The following PGBD2 variants were observed in gnomAD, a reference collection of about 807,000 sequenced individuals.
PGBD2 encodes piggyBac transposable element-derived protein 2.
PGBD2 carries 6 observed loss-of-function variants against 8.1 expected under a neutral mutation model. The ratio of observed to expected loss-of-function variants is 0.74; its 90% CI spans 0.40 to 1.46. PGBD2 has a LOEUF of 1.46. PGBD2 is among the 40% of genes most tolerant of loss of function. The pLI, the probability that PGBD2 is intolerant of heterozygous loss-of-function variation, is 0.02. For synonymous variants in PGBD2, 318 were observed against 272.2 expected (o/e 1.17, Z -1.66); for missense variants, 802 against 739.0 (o/e 1.09, Z -0.99).
the PGBD2 span, among the ~76,000 whole-genome samples, chr1:248,927,941 G>T: frequency 6.6e-6 from 1 of 152,152 alleles, no homozygotes; most frequent in African/African-American, 2.4e-5. Context: ...TGTAAAAAGG[G>T]AGCAGGCTGG....
At chr1:248,906,558 G>A (rs982463766) in intron 1 of PGBD2, 1 of 149,708 alleles carries the variant, frequency 6.7e-6, no homozygotes, top group Admixed American at 6.7e-5. Context: ...GCCGGAGGCC[G>A]GGCCGGCTGA....
the PGBD2 span, among the ~76,000 whole-genome samples, chr1:248,874,927 T>TAGATAGATAGATAGATAGATAGAC: frequency 6.7e-6 from 1 of 149,290 alleles, no homozygotes; most frequent in African/African-American, 2.6e-5. Flanking sequence ...GATAGATAGA[T>TAGATAGATAGATAGATAGATAGAC]AGATAGATAG....
the PGBD2 span, among the ~76,000 whole-genome samples, chr1:248,883,951 A>C: frequency 6.6e-6 from 1 of 151,820 alleles, no homozygotes; most frequent in African/African-American, 2.4e-5. Flanking sequence ...CCACCTGCCA[A>C]TTTTTCTTTT....
the PGBD2 span, among the ~76,000 whole-genome samples, chr1:248,886,126 C>CT: frequency 6.6e-6 from 1 of 152,158 alleles, no homozygotes; most frequent in African/African-American, 2.4e-5. Context: ...TTTGCACCAA[C>CT]TTGCCCCATG....
chr1:248,908,704 T>C (rs1661753622), intron 1 of PGBD2, among the ~76,000 whole-genome samples: 1 of 151,632 alleles, frequency 6.6e-6, no homozygotes, highest in Non-Finnish European at 1.5e-5. Context: ...TTTTTAAACT[T>C]CCCATAGCTC....
Position 248,914,155 on chromosome 1 carries a change from A to G in PGBD2, c.17+276A>G, listed in dbSNP as rs112029605. ...TCATCTTTCAAGATAAAGACACCAG[A>G]TGGTTACTCCTGGGGCCACCTCAGT... On this transcript the variant is annotated intron_variant, in intron 2 of 2. Coordinates refer to ENST00000329291, the MANE Select transcript of PGBD2 (RefSeq NM_170725.3). Among the ~76,000 whole-genome samples, 3,404 of 152,270 alleles carry G rather than the reference A, an allele frequency of 0.022. 139 individuals carry two copies. Among genetic ancestry groups the G allele is most frequent in the African/African-American group, 0.078 (3,259 of 41,534 alleles).
the PGBD2 span, among the ~76,000 whole-genome samples, chr1:248,925,021 T>TC: frequency 1.3e-5 from 2 of 152,174 alleles, no homozygotes; most frequent in South Asian, 4.1e-4. Flanking sequence ...CTTTTTTTTT[T>TC]CTTTTTCAAA....
At chr1:248,891,726 A>C in the PGBD2 span, among the ~76,000 whole-genome samples, 144 of 152,328 alleles carry the variant, frequency 9.5e-4, 1 homozygote, top group African/African-American at 2.7e-3. Context: ...AGGGAAGCTG[A>C]AGCGGGAAGA....
rs1034069921 is a variant in PGBD2, at chr1:248,919,093, C to A, written c.*730C>A. 9.0e-5 allele frequency: 15 copies of A among 166,978 alleles called. No individual in the cohort carries two copies. Among genetic ancestry groups the A allele is most frequent in the African/African-American group, 3.1e-4 (13 of 41,416 alleles). 10.3% of individuals were successfully genotyped at this position (166,978 alleles called of 1,614,324 possible). On this transcript the variant is annotated 3_prime_UTR_variant, in exon 3 of 3. Coordinates refer to ENST00000329291, the MANE Select transcript of PGBD2 (RefSeq NM_170725.3). ...ACTTGTCCTTTGTGTTTCAAACAAT[C>A]CAATTATACTGTTAGTTATTTTAAA...
At chr1:248,873,306 C>G in the PGBD2 span, among the ~76,000 whole-genome samples, 1 of 152,230 alleles carries the variant, frequency 6.6e-6, no homozygotes, top group African/African-American at 2.4e-5. Context: ...CCGCATCAGG[C>G]CCCTCTGACC....
the PGBD2 span, among the ~76,000 whole-genome samples, chr1:248,897,716 G>C: frequency 6.6e-6 from 1 of 152,176 alleles, no homozygotes; most frequent in Non-Finnish European, 1.5e-5. Flanking sequence ...CTGAAGCCAG[G>C]AACCCAAGGG....
chr1:248,906,250 G>GCGACGCC lies in PGBD2; in HGVS notation c.-132_-126dup, dbSNP rs1370327804. On this transcript the variant is annotated 5_prime_UTR_variant, in exon 1 of 3. Coordinates refer to ENST00000329291, the MANE Select transcript of PGBD2 (RefSeq NM_170725.3). Reference sequence around the variant, plus strand: ...CTCTGGTGCCGGACGTTGCGCGGCCGCGACGCCCGACGCCAACGCAGGCGC... The same window carrying GCGACGCC: ...CTCTGGTGCCGGACGTTGCGCGGCCGCGACGCCCGACGCCCGACGCCAACGCAGGCGC... The GCGACGCC allele has an allele frequency of 6.6e-6, 1 of 151,964 alleles. No individual in the cohort carries two copies. The highest frequency in any genetic ancestry group is 2.0e-4 in the East Asian group (1 of 5,092). The allele number at this position is 151,964 out of a possible 1,614,324, so 9.4% of individuals were successfully genotyped here.
At position 248,918,327 on chromosome 1, in the gene PGBD2, C is replaced by T; in HGVS notation, c.1743C>T (p.Val581=). ...GGTGTGAGAAGTGCCAGAAGGGTGT[C>T]CATGCCAAATGCTTCAGGGAGTACC... ...NTRCEKCQKG[V]HAKCFREYHI... The change falls in exon 3 of 3, where the codon GTC becomes GTT. Residue 581 remains valine, a synonymous_variant. Transcript: ENST00000329291. The T allele has an allele frequency of 6.4e-7, 1 of 1,574,376 alleles. No homozygotes were observed. Among genetic ancestry groups the T allele is most frequent in the Non-Finnish European group, 8.6e-7 (1 of 1,160,302 alleles).
At chr1:248,883,756 C>G in the PGBD2 span, among the ~76,000 whole-genome samples, 1 of 151,592 alleles carries the variant, frequency 6.6e-6, no homozygotes, top group African/African-American at 2.4e-5. Context: ...GCCACGATGC[C>G]CAGCTAATTT....
At chr1:248,885,024 C>T in the PGBD2 span, among the ~76,000 whole-genome samples, 2 of 152,176 alleles carry the variant, frequency 1.3e-5, no homozygotes, top group South Asian at 4.2e-4. Context: ...TATCCTACTT[C>T]CCATCTCATA....
chr1:248,898,067 G>A, the PGBD2 span, among the ~76,000 whole-genome samples: 1 of 152,190 alleles, frequency 6.6e-6, no homozygotes, highest in Non-Finnish European at 1.5e-5. Flanking sequence ...GGGTTTAATG[G>A]ACAGAACTCT....
At chr1:248,894,167 T>G in the PGBD2 span, among the ~76,000 whole-genome samples, 1 of 152,212 alleles carries the variant, frequency 6.6e-6, no homozygotes, top group African/African-American at 2.4e-5. Context: ...AGATATGTTC[T>G]TTGAAAATAT....
chr1:248,878,753 G>A, the PGBD2 span, among the ~76,000 whole-genome samples: 1 of 152,036 alleles, frequency 6.6e-6, no homozygotes, highest in Non-Finnish European at 1.5e-5. Flanking sequence ...TAGTTTCCTG[G>A]TTACTTTCAA....
rs747282499 is a variant in PGBD2 at position 248,916,930 on chromosome 1, G to C, written c.346G>C (p.Asp116His). 1 of 1,613,738 alleles carries C rather than the reference G, an allele frequency of 6.2e-7. No individual in the cohort carries two copies. Among genetic ancestry groups the C allele is most frequent in the Non-Finnish European group, 8.5e-7 (1 of 1,179,898 alleles). ...VKPQRIWTKR[D>H]IRPDFGSWTA... ...ACCTCAGCGCATTTGGACCAAAAGA[G>C]ATATTCGTCCAGACTTTGGCAGTTG... Residue 116 changes from aspartate to histidine, a missense_variant, in exon 3 of 3, where the codon GAT becomes CAT. Transcript: ENST00000329291.
Sources: allele counts gnomAD v4.1 joint callset (sites outside exome capture counted in the v4.1 genomes callset), GRCh38; gene constraint gnomAD v4.1.1; transcripts MANE v1.5; gene names NCBI Gene and HGNC (gene_info 2026-07-23, HGNC 2026-07-21).